The following MYO16 variants were observed in gnomAD, a reference collection of about 807,000 sequenced individuals.
MYO16 encodes the protein myosin XVI.
In MYO16, 94 loss-of-function variants were observed where a neutral mutation model predicts 205.3. The ratio of observed to expected loss-of-function variants is 0.46; its 90% CI spans 0.39 to 0.54. MYO16 has a LOEUF of 0.54. Ranked by LOEUF, MYO16 falls within the 20% of genes least tolerant of loss-of-function variation. The pLI is 0.00. For missense variants in MYO16, 2,315 were observed against 2,387.5 expected, an observed-to-expected ratio of 0.97 and a Z score of 0.63; for synonymous variants, 988 against 954.0, an observed-to-expected ratio of 1.04 and a Z score of -0.66.
chr13:108,625,324 T>C (rs1477846164), upstream of MYO16, among the ~76,000 whole-genome samples: 4 of 152,156 alleles, frequency 2.6e-5, no homozygotes, highest in Non-Finnish European at 4.4e-5. Flanking sequence ...TCAGGGACTT[T>C]ATGAGAGAGT....
intron 23 of MYO16, among the ~76,000 whole-genome samples, chr13:109,021,371 C>G (rs535675532): frequency 4.2e-4 from 64 of 152,238 alleles, no homozygotes; most frequent in African/African-American, 1.5e-3. Context: ...GCACAAGTAG[C>G]GTGTGCAAAC....
intron 16 of MYO16, among the ~76,000 whole-genome samples, chr13:108,923,602 G>T (rs1273318370): frequency 6.6e-6 from 1 of 152,244 alleles, no homozygotes; most frequent in South Asian, 2.1e-4. Flanking sequence ...CCACCTCGGT[G>T]TGGGGCCCTC....
intron 12 of MYO16, among the ~76,000 whole-genome samples, chr13:108,869,490 C>A (rs990840854): frequency 6.6e-6 from 1 of 151,076 alleles, no homozygotes; most frequent in Non-Finnish European, 1.5e-5. Context: ...TTTGGGAGGC[C>A]GAGGCGGGCG....
intron 6 of MYO16, among the ~76,000 whole-genome samples, chr13:108,798,707 T>A (rs914546575): frequency 4.6e-5 from 6 of 129,268 alleles, no homozygotes; most frequent in Non-Finnish European, 8.1e-5. Context: ...TTTTTTTTTT[T>A]TTTTTTTTTG....
chr13:108,880,649 G>T (rs367938724), intron 12 of MYO16, among the ~76,000 whole-genome samples: 1 of 152,016 alleles, frequency 6.6e-6, no homozygotes, highest in East Asian at 1.9e-4. Flanking sequence ...TTTTTGTCAG[G>T]TTTGTCAAAG....
At chr13:108,506,343 T>C in the MYO16 span, among the ~76,000 whole-genome samples, 1 of 152,172 alleles carries the variant, frequency 6.6e-6, no homozygotes, top group African/African-American at 2.4e-5. Context: ...CTTTCAGCAA[T>C]GTTTTGTAGA....
intron 7 of MYO16, among the ~76,000 whole-genome samples, chr13:108,812,322 C>A (rs535540122): frequency 6.6e-6 from 1 of 152,282 alleles, no homozygotes; most frequent in African/African-American, 2.4e-5. Context: ...GAAGTGAATG[C>A]AGGAACATTT....
chr13:108,929,950 T>A (rs138563941), intron 16 of MYO16, among the ~76,000 whole-genome samples: 3 of 152,316 alleles, frequency 2.0e-5, no homozygotes, highest in South Asian at 4.1e-4. Context: ...ACCTAAGCTA[T>A]ATGCATGAAT....
intron 4 of MYO16, among the ~76,000 whole-genome samples, chr13:108,758,488 C>T (rs1885493904): frequency 6.6e-6 from 1 of 152,102 alleles, no homozygotes; most frequent in Admixed American, 6.5e-5. Context: ...TTGATTTTCA[C>T]ACATTCTTTT....
chr13:108,647,739 G>T (rs953361195), intron 1 of MYO16, among the ~76,000 whole-genome samples: 1 of 152,122 alleles, frequency 6.6e-6, no homozygotes, highest in Non-Finnish European at 1.5e-5. Context: ...TTAGATATAG[G>T]TATATTTCAG....
the MYO16 span, among the ~76,000 whole-genome samples, chr13:108,526,029 C>T: frequency 6.6e-6 from 1 of 151,652 alleles, no homozygotes; most frequent in African/African-American, 2.4e-5. Flanking sequence ...GATTGTTTCC[C>T]TCAAAAAACA....
intron 28 of MYO16, among the ~76,000 whole-genome samples, chr13:109,111,729 C>T (rs986417156): frequency 1.3e-4 from 19 of 151,610 alleles, no homozygotes; most frequent in African/African-American, 4.4e-4. Context: ...CTCTGTTGCC[C>T]AGGCTGGAGT....
chr13:108,869,637 A>G, intron 12 of MYO16, among the ~76,000 whole-genome samples: 1 of 148,740 alleles, frequency 6.7e-6, no homozygotes. Flanking sequence ...AGGCTGAGGC[A>G]GCAGAATGGC....
chr13:108,643,566 A>T (rs1880605286), intron 1 of MYO16, among the ~76,000 whole-genome samples: 1 of 152,180 alleles, frequency 6.6e-6, no homozygotes, highest in Admixed American at 6.5e-5. Context: ...GTTTAAAAAG[A>T]TTGGCTTTCA....
intron 2 of MYO16, among the ~76,000 whole-genome samples, chr13:108,669,409 A>G (rs1459539521): frequency 1.3e-5 from 2 of 152,164 alleles, no homozygotes; most frequent in Non-Finnish European, 2.9e-5. Context: ...GAATGGACAC[A>G]GAAAGTATAA....
chr13:109,057,524 A>G (rs760304389), intron 27 of MYO16, among the ~76,000 whole-genome samples: 3 of 152,120 alleles, frequency 2.0e-5, no homozygotes, highest in Non-Finnish European at 4.4e-5. Context: ...GACAGGAGTC[A>G]TAGTAGCTAT....
At chr13:108,579,656 G>A in the MYO16 span, among the ~76,000 whole-genome samples, 2 of 152,080 alleles carry the variant, frequency 1.3e-5, no homozygotes, top group Non-Finnish European at 2.9e-5. Flanking sequence ...GGCCAGGCTG[G>A]TCTCAAACTC....
chr13:109,055,189 T>C lies in MYO16; in HGVS notation c.3129+63T>C. Reference sequence around the variant, plus strand: ...GTTTATAGCAACTAAAGAGGGTTTATGTAGACTTTTTTTTCCATTTTTGAC... The same window carrying C: ...GTTTATAGCAACTAAAGAGGGTTTACGTAGACTTTTTTTTCCATTTTTGAC... On this transcript the variant is annotated intron_variant, in intron 26 of 34. Transcript: ENST00000457511. This position sits in a 1 kb window ranked among gnomAD's most constrained non-coding sequence, Gnocchi z 5.0. 7.3e-7 allele frequency: 1 copy of C among 1,373,484 alleles called. No individual in the cohort carries two copies. The highest frequency in any genetic ancestry group is 1.3e-5 in the South Asian group (1 of 76,590). The allele number at this position is 1,373,484 out of a possible 1,614,324, so 85.1% of individuals were successfully genotyped here. A position where few individuals can be genotyped will look rare whatever the true frequency, so the allele number is the denominator to read the frequency against.
At chr13:108,760,880 T>G (rs1263052767) in intron 4 of MYO16, among the ~76,000 whole-genome samples, 1 of 152,240 alleles carries the variant, frequency 6.6e-6, no homozygotes, top group Non-Finnish European at 1.5e-5. Flanking sequence ...ATCAACGTTT[T>G]TAGCTCCCGC....
Sources: allele counts gnomAD v4.1 joint callset (sites outside exome capture counted in the v4.1 genomes callset), GRCh38; gene constraint gnomAD v4.1.1; non-coding constraint Gnocchi (gnomAD v3.1); transcripts MANE v1.5; gene names NCBI Gene and HGNC (gene_info 2026-07-23, HGNC 2026-07-21).